The following PLXDC2 variants were observed in gnomAD, a reference collection of about 807,000 sequenced individuals.
PLXDC2 encodes the protein plexin domain containing 2.
Under a neutral mutation model 68.9 loss-of-function variants are expected in PLXDC2, and 40 were observed. The observed-to-expected ratio is 0.58, with a 90% CI of 0.45 to 0.76. The LOEUF (loss-of-function observed/expected upper bound fraction) is 0.76. Ranked by LOEUF, PLXDC2 falls within the 30% of genes least tolerant of loss-of-function variation. PLXDC2 has a pLI of 0.00. For synonymous variants in PLXDC2, 243 were observed against 234.2 expected (o/e 1.04, Z -0.34); for missense variants, 644 against 661.9 (o/e 0.97, Z 0.30).
At chr10:20,067,705 T>A (rs1183855098) in intron 3 of PLXDC2, among the ~76,000 whole-genome samples, 3 of 150,684 alleles carry the variant, frequency 2.0e-5, no homozygotes, top group Non-Finnish European at 3.0e-5. Flanking sequence ...AAAAAAAAAA[T>A]TCTGCAGGTC....
rs544468541 is a variant in PLXDC2, at chr10:20,175,482, G to T, written c.884-1517G>T. On this transcript the variant is annotated intron_variant, in intron 7 of 13. Transcript: ENST00000377252. ...GGATTGCTTGAGCCCAGGGGCTCAAGATCAGCCTGGGCAACATAGCAAGAC... is the reference window on the plus strand; with the variant it reads ...GGATTGCTTGAGCCCAGGGGCTCAATATCAGCCTGGGCAACATAGCAAGAC... Among the ~76,000 whole-genome samples, 38 of 152,246 alleles carry T rather than the reference G, an allele frequency of 2.5e-4. No homozygotes were observed. In the South Asian group the frequency reaches 7.7e-3, roughly 31 times the overall value.
intron 1 of PLXDC2, among the ~76,000 whole-genome samples, chr10:19,881,932 C>T (rs190021585): frequency 1.3e-5 from 2 of 152,264 alleles, no homozygotes; most frequent in East Asian, 1.9e-4. Context: ...TGAAAGAATG[C>T]CTAGCTTATC....
chr10:20,275,286 G>T (rs1184402074), intron 13 of PLXDC2, among the ~76,000 whole-genome samples: 1 of 152,038 alleles, frequency 6.6e-6, no homozygotes, highest in East Asian at 1.9e-4. Context: ...GTGTTGTGTG[G>T]ATCCACAGCC....
chr10:20,238,503 C>T (rs541430011), intron 12 of PLXDC2, among the ~76,000 whole-genome samples: 3 of 149,946 alleles, frequency 2.0e-5, no homozygotes, highest in African/African-American at 7.3e-5. Flanking sequence ...AAAAATTAGC[C>T]AGGCATGGCA....
chr10:20,123,400 C>G (rs527498967), intron 4 of PLXDC2, among the ~76,000 whole-genome samples: 4 of 152,078 alleles, frequency 2.6e-5, no homozygotes, highest in African/African-American at 9.7e-5. Flanking sequence ...GGACGTCAGG[C>G]ATCTCAGATC....
chr10:20,100,167 C>T (rs1039558021), intron 4 of PLXDC2, among the ~76,000 whole-genome samples: 8 of 152,100 alleles, frequency 5.3e-5, no homozygotes, highest in South Asian at 2.1e-4. Flanking sequence ...ATTATATCCA[C>T]GGAAATAATC....
chr10:20,080,895 C>A (rs1304834706), intron 4 of PLXDC2, among the ~76,000 whole-genome samples: 1 of 152,218 alleles, frequency 6.6e-6, no homozygotes, highest in Non-Finnish European at 1.5e-5. Context: ...TTGCTAATAA[C>A]ACTTAAAAGG....
At chr10:20,109,695 TG>T (rs1424098667) in intron 4 of PLXDC2, among the ~76,000 whole-genome samples, 1 of 152,226 alleles carries the variant, frequency 6.6e-6, no homozygotes, top group Non-Finnish European at 1.5e-5. Flanking sequence ...AAGGTTTAAA[TG>T]TTTTTTTAAC....
chr10:20,129,675 G>C (rs1009413962), intron 4 of PLXDC2, among the ~76,000 whole-genome samples: 6 of 151,934 alleles, frequency 3.9e-5, no homozygotes, highest in African/African-American at 1.5e-4. Flanking sequence ...AGTCTACTTT[G>C]AGTTGATTTT....
chr10:20,029,700 G>A (rs779368191), intron 2 of PLXDC2, among the ~76,000 whole-genome samples: 6 of 152,046 alleles, frequency 3.9e-5, no homozygotes, highest in Non-Finnish European at 5.9e-5. Flanking sequence ...TTTATAGATC[G>A]GAAAGAGAAT....
intron 4 of PLXDC2, among the ~76,000 whole-genome samples, chr10:20,099,598 T>C (rs1302206627): frequency 6.6e-6 from 1 of 152,094 alleles, no homozygotes; most frequent in East Asian, 1.9e-4. Flanking sequence ...AAATAGAAAA[T>C]AATAGTCCAT....
At position 20,279,903 on chromosome 10, in the gene PLXDC2, AAC is replaced by A. The variant is rs1836059218; in HGVS notation, c.*94_*95del. On this transcript the variant is annotated 3_prime_UTR_variant, in exon 14 of 14. Coordinates refer to ENST00000377252, the MANE Select transcript of PLXDC2 (RefSeq NM_032812.9). ...CCTATACCTTTAAGACAAACAAACA[AAC>A]ACACACACAAACAAGCTCTAAGCTG... The A allele has an allele frequency of 8.2e-6, 8 of 976,938 alleles. No homozygotes were observed. The highest frequency in any genetic ancestry group is 3.7e-5 in the Admixed American group (2 of 54,038). 60.5% of individuals were successfully genotyped at this position (976,938 alleles called of 1,614,324 possible). A position where few individuals can be genotyped will look rare whatever the true frequency, so the allele number is the denominator to read the frequency against.
intron 4 of PLXDC2, among the ~76,000 whole-genome samples, chr10:20,068,882 C>G (rs1836267222): frequency 6.6e-6 from 1 of 151,956 alleles, no homozygotes; most frequent in Non-Finnish European, 1.5e-5. Flanking sequence ...TTGTACATCT[C>G]AGAAGTCAGA....
At chr10:20,156,026 C>T (rs1209335039) in intron 6 of PLXDC2, among the ~76,000 whole-genome samples, 2 of 152,098 alleles carry the variant, frequency 1.3e-5, no homozygotes, top group Non-Finnish European at 2.9e-5. Context: ...ATTACAGGTG[C>T]ATGCCACCAT....
intron 2 of PLXDC2, among the ~76,000 whole-genome samples, chr10:20,031,664 G>A (rs1350852624): frequency 6.6e-6 from 1 of 152,078 alleles, no homozygotes; most frequent in East Asian, 1.9e-4. Flanking sequence ...TTTCTAGGAG[G>A]TGACAAAGCC....
At position 20,281,188 on chromosome 10, in the gene PLXDC2, G is replaced by C. The variant is rs1293054366; in HGVS notation, c.*1369G>C. The C allele has an allele frequency of 6.6e-6, 1 of 152,056 alleles. No individual in the cohort carries two copies. Among genetic ancestry groups the C allele is most frequent in the Non-Finnish European group, 1.5e-5 (1 of 68,004 alleles). The allele number at this position is 152,056 out of a possible 1,614,324, so 9.4% of individuals were successfully genotyped here. ...TGGCTAAATAAAGTGGATGCAGAAAGCTCCTTAAATGGAGATATCGATTGC... is the reference window on the plus strand; with the variant it reads ...TGGCTAAATAAAGTGGATGCAGAAACCTCCTTAAATGGAGATATCGATTGC... On this transcript the variant is annotated 3_prime_UTR_variant, in exon 14 of 14. Coordinates refer to ENST00000377252, the MANE Select transcript of PLXDC2 (RefSeq NM_032812.9).
intron 7 of PLXDC2, among the ~76,000 whole-genome samples, chr10:20,169,337 A>G (rs566606360): frequency 6.6e-6 from 1 of 152,184 alleles, no homozygotes; most frequent in African/African-American, 2.4e-5. Context: ...TAACTCTGCA[A>G]ATTTGGTAAG....
chr10:20,208,276 C>T (rs879773327), intron 9 of PLXDC2, among the ~76,000 whole-genome samples: 12 of 152,042 alleles, frequency 7.9e-5, no homozygotes, highest in Non-Finnish European at 1.5e-4. Context: ...CTAGGGAGGC[C>T]TCACAATCAT....
At chr10:20,232,897 T>TA (rs758407054) in intron 12 of PLXDC2, among the ~76,000 whole-genome samples, 6 of 151,930 alleles carry the variant, frequency 3.9e-5, no homozygotes, top group East Asian at 3.9e-4. Context: ...TCTGTAAAAG[T>TA]AAAAAAAGAA....
Sources: allele counts gnomAD v4.1 joint callset (sites outside exome capture counted in the v4.1 genomes callset), GRCh38; gene constraint gnomAD v4.1.1; transcripts MANE v1.5; gene names NCBI Gene and HGNC (gene_info 2026-07-23, HGNC 2026-07-21).